Variants in PRKN observed in about 807,000 individuals in gnomAD.
The protein encoded by PRKN is E3 ubiquitin-protein ligase parkin.
In PRKN, 56 loss-of-function variants were observed where a neutral mutation model predicts 59.5. The observed-to-expected ratio is 0.94, with a 90% CI of 0.76 to 1.18. PRKN has a LOEUF of 1.18. Among genes scored for constraint, PRKN ranks in the 50% most tolerant of loss-of-function variants. The pLI is 0.00. For synonymous variants in PRKN, 250 were observed against 222.1 expected (o/e 1.13, Z -1.12); for missense variants, 657 against 596.4 (o/e 1.10, Z -1.06).
At chr6:162,068,711 G>A (rs4364450) in intron 4 of PRKN, among the ~76,000 whole-genome samples, 5,776 of 152,208 alleles carry the variant, frequency 0.038, 145 homozygotes, top group Non-Finnish European at 0.054. Flanking sequence ...AAGTAATATC[G>A]TCAGGGGAAG....
intron 5 of PRKN, among the ~76,000 whole-genome samples, chr6:162,020,274 G>C (rs4709563): frequency 0.74 from 106,936 of 145,070 alleles, 39,404 homozygotes; most frequent in Admixed American, 0.79. Flanking sequence ...AATATAGGGA[G>C]AGCTTGGATG....
chr6:161,810,328 C>A (rs147127601), intron 6 of PRKN, among the ~76,000 whole-genome samples: 1 of 152,188 alleles, frequency 6.6e-6, no homozygotes, highest in Non-Finnish European at 1.5e-5. Context: ...TGAGGAAATA[C>A]ATTTCTGTTA....
chr6:162,097,958 C>T (rs1937454506), intron 4 of PRKN, among the ~76,000 whole-genome samples: 1 of 152,142 alleles, frequency 6.6e-6, no homozygotes, highest in Non-Finnish European at 1.5e-5. Flanking sequence ...TTGGTAAGAG[C>T]GTTGACCATG....
intron 9 of PRKN, among the ~76,000 whole-genome samples, chr6:161,520,226 A>ATTTTTTTTT (rs56073676): frequency 7.6e-6 from 1 of 131,318 alleles, no homozygotes; most frequent in African/African-American, 2.8e-5. Flanking sequence ...CTCTCTATGC[A>ATTTTTTTTT]TTTTTTTTTT....
chr6:161,508,041 G>T (rs572064838), intron 9 of PRKN, among the ~76,000 whole-genome samples: 1 of 152,124 alleles, frequency 6.6e-6, no homozygotes, highest in South Asian at 2.1e-4. Flanking sequence ...AGGGAAACAC[G>T]TTGCTAATAG....
chr6:161,874,379 TAA>T lies in PRKN; in HGVS notation c.735-88473_735-88472del, dbSNP rs1183788579. Among the ~76,000 whole-genome samples the T allele has an allele frequency of 3.3e-5, 3 of 91,884 alleles. 1 individual carries two copies. The highest frequency in any genetic ancestry group is 1.3e-4 in the African/African-American group (3 of 22,396). The allele number at this position is 91,884 out of a possible 152,430, so 60.3% of individuals were successfully genotyped here. ...TATATTATATGTAAAATATTATATA[TAA>T]AATATATATTATATGTAAAATATTA... On this transcript the variant is annotated intron_variant, in intron 6 of 11. Coordinates refer to ENST00000366898, the MANE Select transcript of PRKN (RefSeq NM_004562.3).
chr6:162,651,302 G>A (rs1778422846), intron 1 of PRKN, among the ~76,000 whole-genome samples: 1 of 152,120 alleles, frequency 6.6e-6, no homozygotes, highest in African/African-American at 2.4e-5. Flanking sequence ...CTTCATCGAT[G>A]TTCCCTTTGC....
In PRKN at chr6:162,603,752, G is replaced by C. The variant is rs531304089; in HGVS notation, c.7+123910C>G. 5.9e-5 allele frequency among the ~76,000 whole-genome samples: 9 copies of C among 152,228 alleles called. No individual in the cohort carries two copies. The South Asian group carries it at 1.9e-3, about 32-fold the overall frequency. On this transcript the variant is annotated intron_variant, in intron 1 of 11. Coordinates refer to ENST00000366898, the MANE Select transcript of PRKN (RefSeq NM_004562.3). ...GATGTATAAAATTCATGAGCTGCTT[G>C]AGAGAGTAGAGCACGCTGGAAACCA...
intron 1 of PRKN, among the ~76,000 whole-genome samples, chr6:162,710,382 C>T (rs899807021): frequency 6.8e-6 from 1 of 146,680 alleles, no homozygotes; most frequent in East Asian, 2.0e-4. Context: ...CAAACACACA[C>T]ACACACACAC....
intron 2 of PRKN, among the ~76,000 whole-genome samples, chr6:162,300,067 A>C (rs1781873348): frequency 6.6e-6 from 1 of 152,140 alleles, no homozygotes; most frequent in Non-Finnish European, 1.5e-5. Context: ...GAACACGTGT[A>C]GTAGCATTAT....
intron 2 of PRKN, among the ~76,000 whole-genome samples, chr6:162,432,901 A>T (rs1429044121): frequency 6.6e-6 from 1 of 152,146 alleles, no homozygotes; most frequent in Non-Finnish European, 1.5e-5. Context: ...TCACATACAG[A>T]TACATTCAGT....
At chr6:162,625,982 G>A (rs1206670115) in intron 1 of PRKN, among the ~76,000 whole-genome samples, 3 of 152,174 alleles carry the variant, frequency 2.0e-5, no homozygotes, top group East Asian at 1.9e-4. Flanking sequence ...CTTGACTTAC[G>A]CTAACTCGAC....
rs1186669849 is a variant in PRKN, at chr6:161,348,210, A to T, written c.*1889T>A. On this transcript the variant is annotated 3_prime_UTR_variant, in exon 12 of 12. Coordinates refer to ENST00000366898, the MANE Select transcript of PRKN (RefSeq NM_004562.3). The surrounding 1 kb of genome is among the most constrained non-coding windows in gnomAD (Gnocchi z 4.9). ...TTTGTCGCATCGGGCCAGTGTAAGG[A>T]AGTGTAATTTAGTGGGACTGCCAGT... 9.7e-6 allele frequency: 2 copies of T among 205,594 alleles called. No homozygotes were observed. Among genetic ancestry groups the T allele is most frequent in the Non-Finnish European group, 2.0e-5 (2 of 100,690 alleles). 12.7% of individuals were successfully genotyped at this position (205,594 alleles called of 1,614,324 possible).
intron 4 of PRKN, among the ~76,000 whole-genome samples, chr6:162,107,455 ACT>A (rs1398356154): frequency 6.6e-6 from 1 of 152,136 alleles, no homozygotes; most frequent in East Asian, 1.9e-4. Flanking sequence ...ACAGAGCGAG[ACT>A]CTGTCTCAAA....
chr6:162,333,984 C>G (rs554911624), intron 2 of PRKN, among the ~76,000 whole-genome samples: 2 of 152,140 alleles, frequency 1.3e-5, no homozygotes, highest in East Asian at 3.9e-4. Context: ...GATACAAGAT[C>G]GAAACAGCCA....
At chr6:162,705,717 G>C (rs1028228206) in intron 1 of PRKN, among the ~76,000 whole-genome samples, 1 of 152,178 alleles carries the variant, frequency 6.6e-6, no homozygotes, top group African/African-American at 2.4e-5. Context: ...TTCTTGGCCA[G>C]GGAGAATTCA....
rs1779298193 is a variant in PRKN at position 162,550,588 on chromosome 6, A to C, written c.8-107115T>G. On this transcript the variant is annotated intron_variant, in intron 1 of 11. Coordinates refer to ENST00000366898, the MANE Select transcript of PRKN (RefSeq NM_004562.3). ...CCAGGCGAGGCTGGGCTCTACAGCTACTTGGTAAAGTTTCTGAGCAGTACA... is the reference window on the plus strand; with the variant it reads ...CCAGGCGAGGCTGGGCTCTACAGCTCCTTGGTAAAGTTTCTGAGCAGTACA... 2.0e-5 allele frequency among the ~76,000 whole-genome samples: 3 copies of C among 152,300 alleles called. No individual in the cohort carries two copies. The South Asian group carries it at 6.2e-4, about 32-fold the overall frequency.
At chr6:162,604,609 C>T (rs949579069) in intron 1 of PRKN, among the ~76,000 whole-genome samples, 1 of 151,678 alleles carries the variant, frequency 6.6e-6, no homozygotes, top group African/African-American at 2.4e-5. Context: ...CACACTCATC[C>T]CCTACATATG....
At chr6:161,776,651 G>A (rs1789938204) in intron 7 of PRKN, among the ~76,000 whole-genome samples, 1 of 152,154 alleles carries the variant, frequency 6.6e-6, no homozygotes, top group Non-Finnish European at 1.5e-5. Context: ...CCATTTAATT[G>A]GTCTGAGGCA....
Sources: allele counts gnomAD v4.1 joint callset (sites outside exome capture counted in the v4.1 genomes callset), GRCh38; gene constraint gnomAD v4.1.1; non-coding constraint Gnocchi (gnomAD v3.1); transcripts MANE v1.5; gene names NCBI Gene and HGNC (gene_info 2026-07-23, HGNC 2026-07-21).